FOCAD: variants seen among roughly 807,000 people sequenced by gnomAD.
FOCAD encodes KIAA1797.
In FOCAD, 198 loss-of-function variants were observed where a neutral mutation model predicts 225.6. That is an observed-to-expected ratio of 0.88 (90% confidence interval 0.78 to 0.99). The LOEUF (loss-of-function observed/expected upper bound fraction) is 0.99, where lower values mean the gene tolerates loss of function less well. FOCAD is among the 50% of genes least tolerant of loss of function. The pLI is 0.00. For synonymous variants in FOCAD, 897 were observed against 755.0 expected, an observed-to-expected ratio of 1.19 and a Z score of -3.08; for missense variants, 2,713 against 2,123.6, an observed-to-expected ratio of 1.28 and a Z score of -5.46.
intron 19 of FOCAD, among the ~76,000 whole-genome samples, chr9:20,880,641 G>C (rs1334379874): frequency 6.6e-6 from 1 of 152,170 alleles, no homozygotes; most frequent in Non-Finnish European, 1.5e-5. Context: ...GGAGAATCTT[G>C]ATTGCATCTA....
intron 19 of FOCAD, 33 bp downstream of exon 19, chr9:20,874,840 T>A: frequency 1.9e-6 from 3 of 1,612,398 alleles, no homozygotes; most frequent in Non-Finnish European, 2.5e-6. Flanking sequence ...GAAGCTAGCA[T>A]TTTTTAGTGG....
chr9:20,770,297 T>C (rs1818072128), intron 8 of FOCAD, 59 bp downstream of exon 8: 1 of 1,441,754 alleles, frequency 6.9e-7, no homozygotes, highest in Non-Finnish European at 9.6e-7. Flanking sequence ...ACCTGAGACT[T>C]GGTAATTTAT....
At chr9:20,789,008 C>G (rs1820239042) in intron 10 of FOCAD, among the ~76,000 whole-genome samples, 1 of 151,734 alleles carries the variant, frequency 6.6e-6, no homozygotes, top group Non-Finnish European at 1.5e-5. Flanking sequence ...AATCTTTCTT[C>G]TCATTGGTGA....
intron 35 of FOCAD, among the ~76,000 whole-genome samples, chr9:20,962,827 A>G (rs1838877949): frequency 6.6e-6 from 1 of 152,178 alleles, no homozygotes; most frequent in Admixed American, 6.5e-5. Flanking sequence ...TTCCAAATCC[A>G]TTGTCCGTAA....
chr9:20,734,151 C>CT (rs927682692), intron 4 of FOCAD, among the ~76,000 whole-genome samples: 1 of 152,100 alleles, frequency 6.6e-6, no homozygotes, highest in Non-Finnish European at 1.5e-5. Context: ...TTTTTGTCAT[C>CT]TTTTTTTTCT....
chr9:20,963,785 C>T (rs1270047288), intron 35 of FOCAD, among the ~76,000 whole-genome samples: 1 of 152,100 alleles, frequency 6.6e-6, no homozygotes, highest in Non-Finnish European at 1.5e-5. Context: ...AGATACTTAG[C>T]GCATATGTGT....
intron 21 of FOCAD, among the ~76,000 whole-genome samples, chr9:20,903,721 C>A (rs1487179532): frequency 6.6e-6 from 1 of 151,896 alleles, no homozygotes; most frequent in African/African-American, 2.4e-5. Flanking sequence ...TTTGCGTTAC[C>A]ATTTTTTAAA....
chr9:20,738,734 G>A (rs1440869016), intron 4 of FOCAD, among the ~76,000 whole-genome samples: 1 of 152,206 alleles, frequency 6.6e-6, no homozygotes, highest in Non-Finnish European at 1.5e-5. Flanking sequence ...GTCTACAGCA[G>A]TGCTGTGAAA....
intron 5 of FOCAD, among the ~76,000 whole-genome samples, chr9:20,740,739 C>T (rs1197314206): frequency 2.6e-5 from 4 of 152,120 alleles, no homozygotes; most frequent in Non-Finnish European, 5.9e-5. Context: ...CAATAGGAGA[C>T]TGCTATTTCC....
intron 7 of FOCAD, among the ~76,000 whole-genome samples, chr9:20,766,218 T>A (rs1305786701): frequency 2.6e-5 from 4 of 152,170 alleles, no homozygotes; most frequent in Admixed American, 6.5e-5. Context: ...GTGGAATATT[T>A]CTGGGAATCT....
At chr9:20,679,211 G>A (rs1203679065) in intron 2 of FOCAD, among the ~76,000 whole-genome samples, 1 of 151,340 alleles carries the variant, frequency 6.6e-6, no homozygotes, top group African/African-American at 2.4e-5. Context: ...GGGAGATCAT[G>A]TATGGCCCTG....
Position 20,800,361 on chromosome 9 carries a change from A to G in FOCAD, c.1455+10753A>G, listed in dbSNP as rs1033987594. On this transcript the variant is annotated intron_variant, in intron 11 of 43. Coordinates refer to ENST00000338382, the MANE Select transcript of FOCAD (RefSeq NM_001375567.1). ...TCTTCTCGAGGAGTATCTTTGTGGC[A>G]TTCTCTGTGTTTCCTGAATTTGAAT... Among the ~76,000 whole-genome samples, 6 of 151,864 alleles carry G rather than the reference A, an allele frequency of 4.0e-5. No individual in the cohort carries two copies. In the South Asian group the frequency reaches 6.2e-4, roughly 16 times the overall value.
At chr9:20,856,782 G>C (rs955116493) in intron 15 of FOCAD, among the ~76,000 whole-genome samples, 2 of 151,972 alleles carry the variant, frequency 1.3e-5, no homozygotes, top group African/African-American at 4.8e-5. Context: ...GTGAGAGATA[G>C]GGGTCAAGTT....
chr9:20,722,904 AT>A (rs1825898254), intron 4 of FOCAD, among the ~76,000 whole-genome samples: 1 of 152,152 alleles, frequency 6.6e-6, no homozygotes, highest in African/African-American at 2.4e-5. Flanking sequence ...ATGTAATTGC[AT>A]TGTGTAGTTG....
intron 8 of FOCAD, among the ~76,000 whole-genome samples, chr9:20,775,606 G>A (rs536891381): frequency 1.8e-4 from 27 of 152,284 alleles, no homozygotes; most frequent in Non-Finnish European, 7.4e-5. Flanking sequence ...ACCTTCTCAT[G>A]CCTTGTTTTC....
intron 11 of FOCAD, among the ~76,000 whole-genome samples, chr9:20,815,586 CTGAGAAAT>C (rs1564024963): frequency 3.4e-5 from 5 of 147,318 alleles, no homozygotes; most frequent in African/African-American, 9.9e-5. Flanking sequence ...AAGATTTCTG[CTGAGAAAT>C]CTAGTCATAG....
At chr9:20,808,100 A>G (rs996268628) in intron 11 of FOCAD, among the ~76,000 whole-genome samples, 1 of 152,114 alleles carries the variant, frequency 6.6e-6, no homozygotes, top group Non-Finnish European at 1.5e-5. Flanking sequence ...CTTAGCTGGA[A>G]ATAGTCTCAC....
intron 11 of FOCAD, among the ~76,000 whole-genome samples, chr9:20,796,266 A>G (rs1270674119): frequency 6.6e-6 from 1 of 152,198 alleles, no homozygotes; most frequent in Non-Finnish European, 1.5e-5. Context: ...ATAGTGCCAC[A>G]ATAAACATAC....
In FOCAD at chr9:20,881,996, A is replaced by C. The variant is rs773950819; in HGVS notation, c.2443A>C (p.Asn815His). 5 of 1,613,864 alleles carry C rather than the reference A, an allele frequency of 3.1e-6. No homozygotes were observed. Among genetic ancestry groups the C allele is most frequent in the Non-Finnish European group, 4.2e-6 (5 of 1,179,888 alleles). Residue 815 changes from asparagine (N) to histidine (H), a missense_variant, in exon 20 of 44, where the codon AAT (asparagine) becomes CAT (histidine). Transcript: ENST00000338382. ...DQGKTVAGIP[N>H]FILKMYETNK... ...AGGAAAGACTGTAGCAGGAATCCCCAATTTTATATTGAAAATGTATGAAAC... is the reference window on the plus strand; with the variant it reads ...AGGAAAGACTGTAGCAGGAATCCCCCATTTTATATTGAAAATGTATGAAAC...
Sources: allele counts gnomAD v4.1 joint callset (sites outside exome capture counted in the v4.1 genomes callset), GRCh38; gene constraint gnomAD v4.1.1; transcripts MANE v1.5; gene names NCBI Gene and HGNC (gene_info 2026-07-23, HGNC 2026-07-21).